TMEM127: variants seen among roughly 807,000 people sequenced by gnomAD.
TMEM127 encodes transmembrane protein 127.
A neutral mutation model predicts 20.1 loss-of-function variants in TMEM127; 21 were observed. The ratio of observed to expected loss-of-function variants is 1.04; its 90% CI spans 0.74 to 1.50. The LOEUF (loss-of-function observed/expected upper bound fraction) is 1.50, where lower values mean the gene tolerates loss of function less well. TMEM127 is among the 40% of genes most tolerant of loss of function. The pLI, the probability that TMEM127 is intolerant of heterozygous loss-of-function variation, is 0.00. For synonymous variants in TMEM127, 150 were observed against 144.7 expected (o/e 1.04, Z -0.26); for missense variants, 303 against 317.4 (o/e 0.95, Z 0.34).
At chr2:96,259,197 G>C (rs1013059976) in intron 2 of TMEM127, among the ~76,000 whole-genome samples, 1 of 152,250 alleles carries the variant, frequency 6.6e-6, no homozygotes, top group Admixed American at 6.5e-5. Context: ...TCCTGGAACA[G>C]CCTGTGCACA....
At position 96,265,186 on chromosome 2, in the gene TMEM127, G is replaced by A. The variant is rs1211097710; in HGVS notation, c.196C>T (p.Leu66=). ...TAGCCCAACACGTCGGAGACCCCCA[G>A]CTCCTGGCGCGAACAGGTGCCTCCG... ...IHGGTCSRQE[L]GVSDVLGYVH... The change falls in exon 2 of 4, where the codon CTG becomes TTG. Residue 66 remains leucine, a synonymous_variant. Transcript: ENST00000258439. The A allele has an allele frequency of 3.7e-6, 6 of 1,610,134 alleles. No individual in the cohort carries two copies. The highest frequency in any genetic ancestry group is 2.2e-5 in the East Asian group (1 of 44,822).
In TMEM127 at chr2:96,250,456, A is replaced by G. The variant is rs1684063236; in HGVS notation, c.*3352T>C. On this transcript the variant is annotated 3_prime_UTR_variant, in exon 4 of 4. Transcript: ENST00000258439. The stretch of plus-strand genomic sequence containing the variant: ...ACTCTGCCTTTCTGTGGACAAGTCC[A>G]TCTCCTGAACTAAGGACATAAAATC... 8.6e-6 allele frequency: 2 copies of G among 232,910 alleles called. No homozygotes were observed. The highest frequency in any genetic ancestry group is 1.7e-5 in the Non-Finnish European group (2 of 117,836). 14.4% of individuals were successfully genotyped at this position (232,910 alleles called of 1,614,324 possible).
chr2:96,259,462 T>C (rs1289482694), intron 2 of TMEM127, among the ~76,000 whole-genome samples: 1 of 152,246 alleles, frequency 6.6e-6, no homozygotes, highest in African/African-American at 2.4e-5. Flanking sequence ...ACAGGAATAC[T>C]GTTGGAGCCA....
chr2:96,257,606 T>C (rs1684234844), intron 2 of TMEM127, among the ~76,000 whole-genome samples: 1 of 151,772 alleles, frequency 6.6e-6, no homozygotes, highest in Admixed American at 6.6e-5. Flanking sequence ...TTAAGTATTT[T>C]AAGCTTTCAT....
chr2:96,254,706 G>C, intron 3 of TMEM127, 127 bp downstream of exon 3: 1 of 1,242,840 alleles, frequency 8.0e-7, no homozygotes. Flanking sequence ...GGAAAGACTG[G>C]AGCTTGGCAC....
chr2:96,259,618 A>G (rs1202901215), intron 2 of TMEM127, among the ~76,000 whole-genome samples: 3 of 152,250 alleles, frequency 2.0e-5, no homozygotes, highest in African/African-American at 7.2e-5. Flanking sequence ...AAGCTCCTGC[A>G]GCATTGCAAC....
intron 2 of TMEM127, among the ~76,000 whole-genome samples, chr2:96,256,143 C>A (rs990327447): frequency 6.6e-6 from 1 of 151,352 alleles, no homozygotes; most frequent in African/African-American, 2.4e-5. Context: ...TGATCGCATG[C>A]GCCTGTAGTC....
chr2:96,265,110 T>G, intron 2 of TMEM127, 28 bp downstream of exon 2: 2 of 1,611,438 alleles, frequency 1.2e-6, no homozygotes, highest in Non-Finnish European at 1.7e-6. Flanking sequence ...CCACCGAGGC[T>G]TTAAGGGCCA....
intron 2 of TMEM127, among the ~76,000 whole-genome samples, chr2:96,256,940 C>T (rs959471305): frequency 2.0e-5 from 3 of 152,150 alleles, no homozygotes; most frequent in African/African-American, 7.2e-5. Context: ...AGCTAGGAAG[C>T]CACCACATTT....
chr2:96,257,268 C>T (rs1022609085), intron 2 of TMEM127, among the ~76,000 whole-genome samples: 1 of 151,840 alleles, frequency 6.6e-6, no homozygotes, highest in African/African-American at 2.4e-5. Flanking sequence ...TCGACATCAG[C>T]GTGGCCAACA....
chr2:96,256,480 A>C (rs1215173394), intron 2 of TMEM127, among the ~76,000 whole-genome samples: 1 of 151,028 alleles, frequency 6.6e-6, no homozygotes, highest in South Asian at 2.1e-4. Flanking sequence ...CTGAGGCAGG[A>C]GAATTGCTTG....
chr2:96,249,109 T>C lies in TMEM127; in HGVS notation c.*4699A>G. On this transcript the variant is annotated 3_prime_UTR_variant, in exon 4 of 4. Coordinates refer to ENST00000258439, the MANE Select transcript of TMEM127 (RefSeq NM_017849.4). Reference sequence around the variant, plus strand: ...TGTGTGTGGTGTGTGTGTGTGTGTGTGTGTGTGTTTGAGATGGAGTCTCAC... The same window carrying C: ...TGTGTGTGGTGTGTGTGTGTGTGTGCGTGTGTGTTTGAGATGGAGTCTCAC... 4.3e-6 allele frequency: 1 copy of C among 232,364 alleles called. No homozygotes were observed. The highest frequency in any genetic ancestry group is 6.1e-5 in the East Asian group (1 of 16,510). The allele number at this position is 232,364 out of a possible 1,614,324, so 14.4% of individuals were successfully genotyped here.
At chr2:96,262,280 A>C (rs1684326515) in intron 2 of TMEM127, among the ~76,000 whole-genome samples, 1 of 151,532 alleles carries the variant, frequency 6.6e-6, no homozygotes, top group Non-Finnish European at 1.5e-5. Flanking sequence ...AAAAAAAAAA[A>C]ACTCTATATG....
At position 96,248,766 on chromosome 2, in the gene TMEM127, C is replaced by G. The variant is rs1573965447; in HGVS notation, c.*5042G>C. 2 of 231,490 alleles carry G rather than the reference C, an allele frequency of 8.6e-6. No homozygotes were observed. The highest frequency in any genetic ancestry group is 1.7e-5 in the Non-Finnish European group (2 of 116,916). The allele number at this position is 231,490 out of a possible 1,614,324, so 14.3% of individuals were successfully genotyped here. A position where few individuals can be genotyped will look rare whatever the true frequency, so the allele number is the denominator to read the frequency against. ...CTTCCAAACAGGGCAGCCTGCAGGC[C>G]CTGCACCTTCAGGCCCCATTCTCAG... On this transcript the variant is annotated 3_prime_UTR_variant, in exon 4 of 4. Coordinates refer to ENST00000258439, the MANE Select transcript of TMEM127 (RefSeq NM_017849.4).
In TMEM127 at chr2:96,248,586, C is replaced by T. The variant is rs1684020356; in HGVS notation, c.*5222G>A. On this transcript the variant is annotated 3_prime_UTR_variant, in exon 4 of 4. Coordinates refer to ENST00000258439, the MANE Select transcript of TMEM127 (RefSeq NM_017849.4). ...CAAGGTTATTCCAGAAGGAAACTCT[C>T]CACCAATAGTGGTGGCACTAGACAT... 4.6e-6 allele frequency: 1 copy of T among 218,082 alleles called. No homozygotes were observed. Among genetic ancestry groups the T allele is most frequent in the African/African-American group, 2.2e-5 (1 of 44,450 alleles). 13.5% of individuals were successfully genotyped at this position (218,082 alleles called of 1,614,324 possible).
chr2:96,265,104 C>T (rs756074228), intron 2 of TMEM127, 34 bp downstream of exon 2: 12 of 1,610,910 alleles, frequency 7.4e-6, no homozygotes, highest in African/African-American at 1.3e-5. Context: ...TGTCCCCCAC[C>T]GAGGCTTTAA....
At chr2:96,265,081 C>T (rs992614529) in intron 2 of TMEM127, 57 bp downstream of exon 2, 14 of 1,605,896 alleles carry the variant, frequency 8.7e-6, no homozygotes, top group Non-Finnish European at 1.0e-5. Flanking sequence ...TCTGCTTCAG[C>T]CAGAACACAT....
In TMEM127 at chr2:96,249,865, C is replaced by T; in HGVS notation, c.*3943G>A. 1 of 233,334 alleles carries T rather than the reference C, an allele frequency of 4.3e-6. No individual in the cohort carries two copies. The highest frequency in any genetic ancestry group is 8.5e-6 in the Non-Finnish European group (1 of 118,112). The allele number at this position is 233,334 out of a possible 1,614,324, so 14.5% of individuals were successfully genotyped here. A position where few individuals can be genotyped will look rare whatever the true frequency, so the allele number is the denominator to read the frequency against. ...CCTGCCCCAGATGCACCACCTCTTCCTGTGTCCCAGGGTCCTCTCCTTGCG... is the reference window on the plus strand; with the variant it reads ...CCTGCCCCAGATGCACCACCTCTTCTTGTGTCCCAGGGTCCTCTCCTTGCG... On this transcript the variant is annotated 3_prime_UTR_variant, in exon 4 of 4. Coordinates refer to ENST00000258439, the MANE Select transcript of TMEM127 (RefSeq NM_017849.4).
intron 2 of TMEM127, among the ~76,000 whole-genome samples, chr2:96,257,575 C>A (rs1029800875): frequency 2.6e-5 from 4 of 152,000 alleles, no homozygotes; most frequent in Non-Finnish European, 5.9e-5. Context: ...AAGGCTGAAC[C>A]AAAAAGAAAC....
Sources: gnomAD v4.1 joint callset for allele counts (sites outside exome capture counted in the v4.1 genomes callset) on GRCh38, gnomAD v4.1.1 for gene constraint, MANE v1.5 for transcripts, NCBI Gene and HGNC (gene_info 2026-07-23, HGNC 2026-07-21) for gene names.